The following DENND1B variants were observed in gnomAD, a reference collection of about 807,000 sequenced individuals.
DENND1B encodes DENN domain-containing protein 1B.
A neutral mutation model predicts 90.1 loss-of-function variants in DENND1B; 59 were observed. That is an observed-to-expected ratio of 0.65 (90% confidence interval 0.53 to 0.81). DENND1B has a LOEUF of 0.81. DENND1B is among the 40% of genes least tolerant of loss of function. DENND1B has a pLI of 0.00. For missense variants in DENND1B, 862 were observed against 912.6 expected, an observed-to-expected ratio of 0.94 and a Z score of 0.71; for synonymous variants, 337 against 324.6, an observed-to-expected ratio of 1.04 and a Z score of -0.41.
At chr1:197,685,112 C>T (rs1469964462) in intron 3 of DENND1B, among the ~76,000 whole-genome samples, 2 of 151,970 alleles carry the variant, frequency 1.3e-5, no homozygotes, top group Non-Finnish European at 2.9e-5. Context: ...TGTGAGACTC[C>T]ATCTCAAAAA....
intron 15 of DENND1B, among the ~76,000 whole-genome samples, chr1:197,554,671 CTACT>C (rs1671553128): frequency 6.9e-6 from 1 of 145,608 alleles, no homozygotes; most frequent in South Asian, 2.2e-4. Flanking sequence ...AACTCCATCT[CTACT>C]AAAAAATACA....
rs181442777 is a variant in DENND1B at position 197,587,416 on chromosome 1, C to T, written c.1048-4163G>A. ...AGTGATGGGGCAAAAAGAAAGGAAT[C>T]AAAAGCAGTCATTTCGATGGAAAGC... is the stretch of plus-strand genomic sequence containing the variant. On this transcript the variant is annotated intron_variant, in intron 14 of 22. Coordinates refer to ENST00000620048, the MANE Select transcript of DENND1B (RefSeq NM_001195215.2). Among the ~76,000 whole-genome samples, 234 of 152,206 alleles carry T rather than the reference C, an allele frequency of 1.5e-3. 1 individual carries two copies. Among genetic ancestry groups the T allele is most frequent in the South Asian group, 0.013 (64 of 4,828 alleles).
intron 1 of DENND1B, 87 bp from the exon 2 acceptor site, chr1:197,773,019 G>T: frequency 1.8e-6 from 2 of 1,124,002 alleles, no homozygotes; most frequent in Non-Finnish European, 1.3e-6. Context: ...AACTAATCTT[G>T]TTTTTGTCTC....
chr1:197,762,413 C>A (rs545398742), intron 2 of DENND1B, among the ~76,000 whole-genome samples: 131 of 152,154 alleles, frequency 8.6e-4, no homozygotes, highest in African/African-American at 3.0e-3. Flanking sequence ...ACTACAGGTG[C>A]CCGCCACCAA....
chr1:197,521,856 T>C (rs1288653564), intron 20 of DENND1B, among the ~76,000 whole-genome samples: 1 of 152,044 alleles, frequency 6.6e-6, no homozygotes, highest in African/African-American at 2.4e-5. Context: ...TACAACAAAT[T>C]TGGTGAACAT....
intron 12 of DENND1B, 98 bp from the exon 13 acceptor site, chr1:197,607,272 C>T: frequency 2.6e-6 from 2 of 766,034 alleles, no homozygotes; most frequent in Non-Finnish European, 3.8e-6. Flanking sequence ...ATGCATTAGG[C>T]TTGGGAAAAG....
chr1:197,611,890 GA>G (rs761099447), intron 12 of DENND1B, 40 bp downstream of exon 12: 11 of 1,548,702 alleles, frequency 7.1e-6, no homozygotes, highest in Admixed American at 1.7e-5. Context: ...ATTATTTTAT[GA>G]GTTAATTTTA....
chr1:197,740,368 T>A (rs1276442200), intron 2 of DENND1B, among the ~76,000 whole-genome samples: 1 of 151,984 alleles, frequency 6.6e-6, no homozygotes, highest in Non-Finnish European at 1.5e-5. Flanking sequence ...TATGGAGCCT[T>A]GTGGGTCCCT....
chr1:197,732,712 A>T (rs1346823478), intron 2 of DENND1B, among the ~76,000 whole-genome samples: 1 of 152,222 alleles, frequency 6.6e-6, no homozygotes, highest in Non-Finnish European at 1.5e-5. Flanking sequence ...TTGATATGTG[A>T]CTGACAAGAG....
intron 15 of DENND1B, among the ~76,000 whole-genome samples, chr1:197,559,450 A>G (rs1282704242): frequency 6.6e-6 from 1 of 151,640 alleles, no homozygotes; most frequent in African/African-American, 2.4e-5. Context: ...AAGCAACACA[A>G]TAAACAAATC....
rs755690781 is a variant in DENND1B at position 197,699,907 on chromosome 1, C to T, written c.126+15124G>A. ...ACTCAGGAATACAGCTAACAAGGGA[C>T]GTGAAGGACCTCTTCAAGGAGAACT... On this transcript the variant is annotated intron_variant, in intron 3 of 22. Coordinates refer to ENST00000620048, the MANE Select transcript of DENND1B (RefSeq NM_001195215.2). 5.3e-5 allele frequency among the ~76,000 whole-genome samples: 8 copies of T among 152,054 alleles called. 1 individual carries two copies. The highest frequency in any genetic ancestry group is 4.6e-4 in the Admixed American group (7 of 15,262).
At chr1:197,718,725 T>A (rs1660877472) in intron 2 of DENND1B, among the ~76,000 whole-genome samples, 1 of 152,080 alleles carries the variant, frequency 6.6e-6, no homozygotes, top group East Asian at 1.9e-4. Flanking sequence ...GGCCATAAAG[T>A]GGGCAGGGGA....
At chr1:197,690,530 T>A in intron 3 of DENND1B, 1 of 199,636 alleles carries the variant, frequency 5.0e-6, no homozygotes, top group Non-Finnish European at 1.0e-5. Flanking sequence ...CTGTTCATAA[T>A]ATGAGACAGA....
intron 2 of DENND1B, chr1:197,747,146 T>C: frequency 5.2e-6 from 4 of 766,586 alleles, no homozygotes; most frequent in Non-Finnish European, 9.3e-6. Context: ...CTGGAGCGTT[T>C]TCTTTTTTTC....
chr1:197,607,080 C>G lies in DENND1B; in HGVS notation c.914G>C (p.Ser305Thr), dbSNP rs1418136561. The change falls in exon 13 of 23, where the codon AGT becomes ACT. Residue 305 changes from serine to threonine, a missense_variant. Ser to Thr is a moderately conservative substitution (Grantham distance 58). Transcript: ENST00000620048. ...SPFSDLNNLP[S>T]DVVSALKNKL... ...AATAGCCTTCATACTTACCACATCA[C>G]TTGGTAGGTTGTTCAAGTCACTAAA... 1 of 1,603,556 alleles carries G rather than the reference C, an allele frequency of 6.2e-7. No individual in the cohort carries two copies. Among genetic ancestry groups the G allele is most frequent in the East Asian group, 2.2e-5 (1 of 44,574 alleles).
At chr1:197,765,385 A>G (rs944535495) in intron 2 of DENND1B, among the ~76,000 whole-genome samples, 25 of 152,228 alleles carry the variant, frequency 1.6e-4, no homozygotes, top group African/African-American at 6.0e-4. Flanking sequence ...TATCTGAAGT[A>G]CCATGGCCAT....
chr1:197,537,233 T>C (rs997916521), intron 20 of DENND1B, among the ~76,000 whole-genome samples: 14 of 152,178 alleles, frequency 9.2e-5, no homozygotes, highest in Admixed American at 9.2e-4. Context: ...TAAACATGTA[T>C]GTTTAATCAA....
intron 20 of DENND1B, among the ~76,000 whole-genome samples, chr1:197,536,108 C>G (rs76457624): frequency 7.7e-6 from 1 of 130,166 alleles, no homozygotes; most frequent in African/African-American, 2.9e-5. Context: ...GGGAGAGAGA[C>G]GGAGGGAGGG....
chr1:197,512,793 T>C (rs1356434942), intron 21 of DENND1B, 78 bp downstream of exon 21: 1 of 1,366,100 alleles, frequency 7.3e-7, no homozygotes, highest in Non-Finnish European at 1.0e-6. Context: ...GTGCATACTC[T>C]TTGAAATACC....
Sources: allele counts gnomAD v4.1 joint callset (sites outside exome capture counted in the v4.1 genomes callset), GRCh38; gene constraint gnomAD v4.1.1; transcripts MANE v1.5; gene names NCBI Gene and HGNC (gene_info 2026-07-23, HGNC 2026-07-21).